Variants in RBPJ observed in about 807,000 individuals in gnomAD.
The protein encoded by RBPJ is recombining binding protein suppressor of hairless.
A neutral mutation model predicts 67.8 loss-of-function variants in RBPJ; 9 were observed. That is an observed-to-expected ratio of 0.13 (90% CI 0.08 to 0.23). The LOEUF is 0.23. Ranked by LOEUF, RBPJ falls within the 10% of genes least tolerant of loss-of-function variation. RBPJ has a pLI of 1.00. For synonymous variants in RBPJ, 198 were observed against 203.3 expected (o/e 0.97, Z 0.22); for missense variants, 305 against 595.6 (o/e 0.51, Z 5.08).
chr4:26,379,646 T>A (rs1730116317), intron 1 of RBPJ, among the ~76,000 whole-genome samples: 1 of 152,072 alleles, frequency 6.6e-6, no homozygotes, highest in Admixed American at 6.6e-5. Flanking sequence ...GCTACCAGGT[T>A]CCTCCCTCGA....
At chr4:26,324,225 T>G (rs1250628307) in intron 1 of RBPJ, among the ~76,000 whole-genome samples, 1 of 152,182 alleles carries the variant, frequency 6.6e-6, no homozygotes, top group Non-Finnish European at 1.5e-5. Context: ...TTATAGGAAG[T>G]CAAATAGGAG....
chr4:26,416,720 A>G (rs984982299), intron 4 of RBPJ, among the ~76,000 whole-genome samples: 4 of 152,136 alleles, frequency 2.6e-5, no homozygotes, highest in East Asian at 1.9e-4. Context: ...AGTGTTTGCT[A>G]TGTTGTAGTT....
chr4:26,407,879 C>CTTTTTTT (rs1312594555), intron 3 of RBPJ, among the ~76,000 whole-genome samples: 1 of 78,832 alleles, frequency 1.3e-5, no homozygotes, highest in African/African-American at 5.2e-5. Flanking sequence ...GTAAAGCTTT[C>CTTTTTTT]TTTCTTTTTT....
the RBPJ span, among the ~76,000 whole-genome samples, chr4:26,116,778 G>T: frequency 3.3e-5 from 5 of 152,308 alleles, no homozygotes; most frequent in Admixed American, 3.3e-4. Flanking sequence ...CAAGCCCAAA[G>T]TGGCACCAAA....
rs865813422 is a variant in RBPJ, at chr4:26,215,325, G to A, written c.-167+51711G>A. Among the ~76,000 whole-genome samples the A allele has an allele frequency of 2.2e-3, 164 of 74,804 alleles. 3 individuals are homozygous for A. The highest frequency in any genetic ancestry group is 1.0e-2 in the African/African-American group (162 of 16,218). The allele number at this position is 74,804 out of a possible 152,430, so 49.1% of individuals were successfully genotyped here. A position where few individuals can be genotyped will look rare whatever the true frequency, so the allele number is the denominator to read the frequency against. ...GAGAGAGAAAAGAGAAAGAAAGAAAGAAAAAGAGAGAGAGAAAGAAAGAAA... is the reference window on the plus strand; with the variant it reads ...GAGAGAGAAAAGAGAAAGAAAGAAAAAAAAAGAGAGAGAGAAAGAAAGAAA... On this transcript the variant is annotated intron_variant, in intron 1 of 4. Coordinates refer to the RBPJ transcript ENST00000512351.
At chr4:26,109,727 C>CTG in the RBPJ span, among the ~76,000 whole-genome samples, 42 of 95,420 alleles carry the variant, frequency 4.4e-4, 3 homozygotes, top group Non-Finnish European at 7.0e-4. Context: ...CTCTCTCTCT[C>CTG]TCTATATATA....
chr4:26,142,106 T>A, the RBPJ span, among the ~76,000 whole-genome samples: 1 of 152,234 alleles, frequency 6.6e-6, no homozygotes, highest in Admixed American at 6.5e-5. Flanking sequence ...CCCTTCAGGG[T>A]ACATTTCCCC....
chr4:26,254,143 G>A (rs1448040562), intron 1 of RBPJ, among the ~76,000 whole-genome samples: 1 of 148,790 alleles, frequency 6.7e-6, no homozygotes. Context: ...ACCTAAACAA[G>A]GACAATAGCA....
At chr4:26,210,670 C>CTT (rs1219820596) in intron 1 of RBPJ, among the ~76,000 whole-genome samples, 1 of 23,244 alleles carries the variant, frequency 4.3e-5, no homozygotes, top group Non-Finnish European at 1.1e-4. Context: ...TTTTTTCTTT[C>CTT]TTTCTTTCTT....
At chr4:26,346,948 C>T (rs536650664) in intron 1 of RBPJ, among the ~76,000 whole-genome samples, 19 of 151,754 alleles carry the variant, frequency 1.3e-4, no homozygotes, top group Non-Finnish European at 2.2e-4. Flanking sequence ...GCCGAGATTG[C>T]GCCACTGCAC....
intron 1 of RBPJ, among the ~76,000 whole-genome samples, chr4:26,331,541 C>T (rs554086793): frequency 5.9e-5 from 9 of 152,242 alleles, no homozygotes; most frequent in African/African-American, 1.2e-4. Flanking sequence ...GGGTAGAGTG[C>T]GGCGGCCAGT....
chr4:26,303,192 A>G (rs868217632), intron 1 of RBPJ, among the ~76,000 whole-genome samples: 102 of 146,392 alleles, frequency 7.0e-4, no homozygotes, highest in African/African-American at 2.5e-3. Context: ...AAATAAATAA[A>G]TAAATAAATA....
At chr4:26,423,732 A>C (rs974447323) in intron 5 of RBPJ, among the ~76,000 whole-genome samples, 1 of 152,218 alleles carries the variant, frequency 6.6e-6, no homozygotes, top group Admixed American at 6.5e-5. Flanking sequence ...TTCTGCTTAC[A>C]TGGATTTATT....
intron 1 of RBPJ, among the ~76,000 whole-genome samples, chr4:26,276,688 AAG>A (rs1721098271): frequency 6.6e-6 from 1 of 151,974 alleles, no homozygotes; most frequent in Non-Finnish European, 1.5e-5. Flanking sequence ...TTAAATGAGA[AAG>A]AAAAAAAATC....
intron 2 of RBPJ, among the ~76,000 whole-genome samples, chr4:26,390,397 T>G (rs1231689847): frequency 6.6e-6 from 1 of 152,144 alleles, no homozygotes; most frequent in East Asian, 1.9e-4. Flanking sequence ...TTTGAGGTAC[T>G]ATAAGGCCAG....
At chr4:26,388,136 T>C (rs1451042978) in intron 2 of RBPJ, among the ~76,000 whole-genome samples, 2 of 152,092 alleles carry the variant, frequency 1.3e-5, no homozygotes, top group African/African-American at 4.8e-5. Context: ...ATAGAATTAT[T>C]AGATAAGAAC....
At chr4:26,426,793 C>G (rs560249950) in intron 7 of RBPJ, among the ~76,000 whole-genome samples, 1 of 152,060 alleles carries the variant, frequency 6.6e-6, no homozygotes, top group African/African-American at 2.4e-5. Context: ...GAACTGAAGG[C>G]AGGGGATGTA....
chr4:26,308,797 A>G (rs1423701500), intron 1 of RBPJ, among the ~76,000 whole-genome samples: 1 of 152,212 alleles, frequency 6.6e-6, no homozygotes, highest in Non-Finnish European at 1.5e-5. Flanking sequence ...CAAGCAATAC[A>G]GATGCAAAGA....
At chr4:26,401,326 C>A (rs1159888977) in intron 2 of RBPJ, among the ~76,000 whole-genome samples, 1 of 152,226 alleles carries the variant, frequency 6.6e-6, no homozygotes, top group Non-Finnish European at 1.5e-5. Flanking sequence ...TTTGTCCTCA[C>A]AAGCTAGGCT....
Sources: allele counts gnomAD v4.1 joint callset (sites outside exome capture counted in the v4.1 genomes callset), GRCh38; gene constraint gnomAD v4.1.1; transcripts MANE v1.5; gene names NCBI Gene and HGNC (gene_info 2026-07-23, HGNC 2026-07-21).